The following SMOC2 variants were observed in gnomAD, a reference collection of about 807,000 sequenced individuals.
SMOC2 encodes SPARC-related modular calcium-binding protein 2.
SMOC2 carries 39 observed loss-of-function variants against 61.4 expected under a neutral mutation model. That is an observed-to-expected ratio of 0.64 (90% CI 0.49 to 0.83). The LOEUF is 0.83. Among genes scored for constraint, SMOC2 ranks in the 40% least tolerant of loss-of-function variants. SMOC2 has a pLI of 0.00. For missense variants in SMOC2, 556 were observed against 592.9 expected (o/e 0.94, Z 0.65); for synonymous variants, 247 against 239.9 (o/e 1.03, Z -0.27).
At position 168,608,091 on chromosome 6, in the gene SMOC2, C is replaced by G. The variant is rs1340500733; in HGVS notation, c.825-66C>G. The G allele has an allele frequency of 6.8e-6, 10 of 1,474,014 alleles. No homozygotes were observed. The East Asian group carries it at 1.9e-4, about 28-fold the overall frequency. 91.3% of individuals were successfully genotyped at this position (1,474,014 alleles called of 1,614,324 possible). On this transcript the variant is annotated intron_variant, in intron 8 of 12. Coordinates refer to ENST00000356284, the MANE Select transcript of SMOC2 (RefSeq NM_001166412.2). ...GGTAGGACACTCCAGAAATGGAAGA[C>G]AAACCACAGCTGGTCTCAAGCCCGT...
chr6:168,529,710 A>G (rs151068498), intron 4 of SMOC2, among the ~76,000 whole-genome samples: 3 of 152,264 alleles, frequency 2.0e-5, no homozygotes, highest in East Asian at 1.9e-4. Context: ...GAGTATACAT[A>G]CCCCCCAAAC....
intron 2 of SMOC2, among the ~76,000 whole-genome samples, chr6:168,516,759 C>T (rs1783144832): frequency 1.3e-5 from 2 of 152,062 alleles, no homozygotes; most frequent in Non-Finnish European, 2.9e-5. Context: ...CCAGCCTGGC[C>T]AGCATAGTGA....
At chr6:168,644,095 G>A (rs1562400936) in intron 9 of SMOC2, among the ~76,000 whole-genome samples, 2 of 152,344 alleles carry the variant, frequency 1.3e-5, no homozygotes, top group South Asian at 4.1e-4. Flanking sequence ...TTCGGCTGGG[G>A]ATGGAGCATT....
In SMOC2 at chr6:168,560,569, TGCATTCTTGGAGGAG is replaced by T. The variant is rs1338658513; in HGVS notation, c.637+11368_637+11382del. The stretch of plus-strand genomic sequence containing the variant: ...CTGCCCTGAGACACGAGGCTCTCAC[TGCATTCTTGGAGGAG>T]GTGTCATTTTCCTGCCCTGAGACAC... On this transcript the variant is annotated intron_variant, in intron 7 of 12. Transcript: ENST00000356284. Among the ~76,000 whole-genome samples the T allele has an allele frequency of 5.9e-4, 78 of 131,952 alleles. 1 individual carries two copies. Among genetic ancestry groups the T allele is most frequent in the South Asian group, 8.9e-4 (3 of 3,378 alleles). 86.6% of individuals were successfully genotyped at this position (131,952 alleles called of 152,430 possible).
chr6:168,566,165 T>C (rs754293980), intron 7 of SMOC2, among the ~76,000 whole-genome samples: 2 of 152,150 alleles, frequency 1.3e-5, no homozygotes, highest in Non-Finnish European at 2.9e-5. Flanking sequence ...AGGTTTCTCT[T>C]GAAAGAAACC....
chr6:168,571,331 C>G (rs55791031), intron 7 of SMOC2, among the ~76,000 whole-genome samples: 5,311 of 152,264 alleles, frequency 0.035, 228 homozygotes, highest in African/African-American at 0.11. Flanking sequence ...TATTCTGTTA[C>G]GCAGTGCTGC....
At chr6:168,646,943 T>C (rs1332712949) in intron 9 of SMOC2, among the ~76,000 whole-genome samples, 4 of 152,254 alleles carry the variant, frequency 2.6e-5, no homozygotes, top group South Asian at 2.1e-4. Context: ...GGTGAACTTA[T>C]TCTGTTTCTA....
At chr6:168,543,948 CTG>C (rs1783934079) in intron 5 of SMOC2, among the ~76,000 whole-genome samples, 1 of 152,136 alleles carries the variant, frequency 6.6e-6, no homozygotes, top group Admixed American at 6.5e-5. Context: ...ACCTCCCAGT[CTG>C]TGACTGTGGA....
At chr6:168,531,781 T>C (rs953520253) in intron 4 of SMOC2, among the ~76,000 whole-genome samples, 1 of 152,226 alleles carries the variant, frequency 6.6e-6, no homozygotes, top group Non-Finnish European at 1.5e-5. Context: ...TCTCTGTGCT[T>C]GGAAGTGGCA....
rs1397569388 is a variant in SMOC2 at position 168,442,370 on chromosome 6, C to T, written c.84+916C>T. On this transcript the variant is annotated intron_variant, in intron 1 of 12. Transcript: ENST00000356284. Reference sequence around the variant, plus strand: ...GAGGAGCTATGTAGAGGGGGCTGAGCCAAGCCCCCGCCGGCCAAGCCAACC... The same window carrying T: ...GAGGAGCTATGTAGAGGGGGCTGAGTCAAGCCCCCGCCGGCCAAGCCAACC... 2.0e-5 allele frequency among the ~76,000 whole-genome samples: 3 copies of T among 152,248 alleles called. No individual in the cohort carries two copies. In the East Asian group the frequency reaches 5.8e-4, roughly 29 times the overall value.
rs1027335648 is a variant in SMOC2, at chr6:168,526,463, T to G, written c.363+11T>G. ...GGCACCTACAGTCAGGTTACCGGCCTTGCTTGGGAGGTTCTGCACCTGTGC... is the reference window on the plus strand; with the variant it reads ...GGCACCTACAGTCAGGTTACCGGCCGTGCTTGGGAGGTTCTGCACCTGTGC... On this transcript the variant is annotated intron_variant, in intron 3 of 12. Transcript: ENST00000356284. 6 of 1,611,882 alleles carry G rather than the reference T, an allele frequency of 3.7e-6. No individual in the cohort carries two copies. In the Admixed American group the frequency reaches 5.0e-5, roughly 13 times the overall value.
intron 1 of SMOC2, among the ~76,000 whole-genome samples, chr6:168,495,088 A>C (rs1321622747): frequency 7.9e-5 from 12 of 152,246 alleles, no homozygotes; most frequent in Admixed American, 7.9e-4. Flanking sequence ...AGGTAAGAGC[A>C]AAACAGGGTG....
At chr6:168,482,829 CT>C (rs1349807000) in intron 1 of SMOC2, among the ~76,000 whole-genome samples, 3 of 152,004 alleles carry the variant, frequency 2.0e-5, no homozygotes. Context: ...ATGAAGAAAG[CT>C]TTTGAGAAAA....
intron 7 of SMOC2, among the ~76,000 whole-genome samples, chr6:168,580,033 A>C (rs535858754): frequency 1.8e-4 from 27 of 151,938 alleles, no homozygotes; most frequent in African/African-American, 5.8e-4. Flanking sequence ...CTTGGGAGGC[A>C]TTCCCATCAG....
chr6:168,596,417 A>G (rs1785337503), intron 7 of SMOC2, among the ~76,000 whole-genome samples: 1 of 146,740 alleles, frequency 6.8e-6, no homozygotes, highest in East Asian at 2.0e-4. Flanking sequence ...GGCAGTGATG[A>G]GTTTCCAGGG....
intron 7 of SMOC2, among the ~76,000 whole-genome samples, chr6:168,571,077 G>C (rs933628813): frequency 2.6e-5 from 4 of 152,204 alleles, no homozygotes; most frequent in Non-Finnish European, 2.9e-5. Flanking sequence ...CCTGACCTTC[G>C]TAACAATGCA....
rs1440336985 is a variant in SMOC2, at chr6:168,441,438, A to C, written c.68A>C (p.Lys23Thr). 12 of 1,508,520 alleles carry C rather than the reference A, an allele frequency of 8.0e-6. No individual in the cohort carries two copies. Among genetic ancestry groups the C allele is most frequent in the Non-Finnish European group, 8.8e-6 (10 of 1,132,444 alleles). 93.4% of individuals were successfully genotyped at this position (1,508,520 alleles called of 1,614,324 possible). Reference sequence around the variant, plus strand: ...CTGCTCCCGCCGGTGCCCGCTCAGAAGTTCTCGGCGCTCACGGTAAGCCCG... The same window carrying C: ...CTGCTCCCGCCGGTGCCCGCTCAGACGTTCTCGGCGCTCACGGTAAGCCCG... ...AGLLPPVPAQKFSALTFLRVD... is the reference protein window; with the variant it reads ...AGLLPPVPAQTFSALTFLRVD... The change falls in exon 1 of 13, where the codon AAG (lysine) becomes ACG (threonine). Residue 23 changes from lysine (K) to threonine (T), a missense_variant. Coordinates refer to ENST00000356284, the MANE Select transcript of SMOC2 (RefSeq NM_001166412.2).
chr6:168,472,308 C>G (rs959528300), intron 1 of SMOC2, among the ~76,000 whole-genome samples: 1 of 150,990 alleles, frequency 6.6e-6, no homozygotes, highest in Non-Finnish European at 1.5e-5. Flanking sequence ...GAGACTGTCC[C>G]TTCCCCCAGT....
chr6:168,477,143 A>G (rs1353122371), intron 1 of SMOC2, among the ~76,000 whole-genome samples: 1 of 152,250 alleles, frequency 6.6e-6, no homozygotes, highest in Admixed American at 6.5e-5. Context: ...CTTGGTGTCA[A>G]CTAGGAACAG....
Sources: gnomAD v4.1 joint callset for allele counts (sites outside exome capture counted in the v4.1 genomes callset) on GRCh38, gnomAD v4.1.1 for gene constraint, MANE v1.5 for transcripts, NCBI Gene and HGNC (gene_info 2026-07-23, HGNC 2026-07-21) for gene names.